AASDHPPT: variants seen among roughly 807,000 people sequenced by gnomAD.
AASDHPPT encodes the protein aminoadipate-semialdehyde dehydrogenase-phosphopantetheinyl transferase.
In AASDHPPT, 23 loss-of-function variants were observed where a neutral mutation model predicts 36.4. That is an observed-to-expected ratio of 0.63 (90% CI 0.45 to 0.89). AASDHPPT has a LOEUF of 0.89. Among genes scored for constraint, AASDHPPT ranks in the 40% least tolerant of loss-of-function variants. The pLI, the probability that AASDHPPT is intolerant of heterozygous loss-of-function variation, is 0.00. For missense variants in AASDHPPT, 377 were observed against 378.2 expected, an observed-to-expected ratio of 1.00 and a Z score of 0.03; for synonymous variants, 115 against 128.0, an observed-to-expected ratio of 0.90 and a Z score of 0.68.
chr11:106,095,099 C>G (rs922197787), intron 5 of AASDHPPT, among the ~76,000 whole-genome samples: 2 of 152,044 alleles, frequency 1.3e-5, no homozygotes, highest in African/African-American at 2.4e-5. Flanking sequence ...GCACTCCAGC[C>G]TGGGAAACAA....
intron 4 of AASDHPPT, chr11:106,091,902 A>T (rs796754880): frequency 1.3e-5 from 2 of 153,712 alleles, no homozygotes; most frequent in African/African-American, 4.8e-5. Flanking sequence ...AAGCCAACAC[A>T]CACAGCCAAA....
At chr11:106,096,553 A>G in intron 5 of AASDHPPT, 190 bp from the exon 6 acceptor site, 1 of 428,370 alleles carries the variant, frequency 2.3e-6, no homozygotes, top group Admixed American at 4.5e-5. Flanking sequence ...CAGGTTTTCT[A>G]TTTCATTTTT....
chr11:106,091,517 A>C (rs762103202), intron 4 of AASDHPPT, 40 bp downstream of exon 4: 9 of 1,531,850 alleles, frequency 5.9e-6, no homozygotes, highest in Non-Finnish European at 7.9e-6. Flanking sequence ...AAGAATTTCT[A>C]TTTTTTATGC....
intron 5 of AASDHPPT, among the ~76,000 whole-genome samples, chr11:106,094,988 G>A (rs1469917731): frequency 6.6e-6 from 1 of 151,984 alleles, no homozygotes; most frequent in Non-Finnish European, 1.5e-5. Context: ...AGCCAGGTGT[G>A]GTGGCGGGCG....
Position 106,096,768 on chromosome 11 carries a change from C to T in AASDHPPT, c.791C>T (p.Pro264Leu), listed in dbSNP as rs1382849307. Residue 264 changes from proline to leucine, a missense_variant, in exon 6 of 6, where the codon CCA becomes CTA. Physicochemically the swap from Pro to Leu is moderately conservative, Grantham distance 98. Transcript: ENST00000278618. ...GTTCCATCTCAGGATGATTCCAAACCAACCCAGAGGCAATTTACTATTCTC... is the reference window on the plus strand; with the variant it reads ...GTTCCATCTCAGGATGATTCCAAACTAACCCAGAGGCAATTTACTATTCTC... ...QDVPSQDDSKPTQRQFTILNF... is the reference protein window; with the variant it reads ...QDVPSQDDSKLTQRQFTILNF... The T allele has an allele frequency of 6.2e-7, 1 of 1,602,734 alleles. No homozygotes were observed. The highest frequency in any genetic ancestry group is 8.5e-7 in the Non-Finnish European group (1 of 1,175,954).
chr11:106,089,708 A>G lies in AASDHPPT; in HGVS notation c.410-849A>G, dbSNP rs1239458179. ...CTTGGTGGTAAAGACACACAAACAC[A>G]TAATTTTAATGTTTTGGAAAATTCA... On this transcript the variant is annotated intron_variant, in intron 2 of 5. Coordinates refer to ENST00000278618, the MANE Select transcript of AASDHPPT (RefSeq NM_015423.3). Among the ~76,000 whole-genome samples the G allele has an allele frequency of 2.6e-5, 4 of 152,050 alleles. No homozygotes were observed. The East Asian group carries it at 5.8e-4, about 22-fold the overall frequency.
chr11:106,079,551 G>A lies in AASDHPPT; in HGVS notation c.268G>A (p.Gly90Arg). The A allele has an allele frequency of 1.2e-6, 2 of 1,614,100 alleles. No homozygotes were observed. The highest frequency in any genetic ancestry group is 1.7e-6 in the Non-Finnish European group (2 of 1,180,008). ...NHIRLQRTAK[G>R]KPVLAKDSSN... ...TATTCGTTTGCAAAGAACTGCAAAA[G>A]GAAAACCAGTTCTTGCAAAGGACTC... The change falls in exon 2 of 6, where the codon GGA (glycine) becomes AGA (arginine). Residue 90 changes from glycine to arginine, a missense_variant. Gly to Arg is a moderately radical substitution (Grantham distance 125). Transcript: ENST00000278618.
Position 106,098,619 on chromosome 11 carries a change from T to C in AASDHPPT, c.*1712T>C, listed in dbSNP as rs1464969278. Reference sequence around the variant, plus strand: ...ATAATAGAGGAAGTATTGTTATCCCTAGCATGAGTGTAATGGTGATATGAA... The same window carrying C: ...ATAATAGAGGAAGTATTGTTATCCCCAGCATGAGTGTAATGGTGATATGAA... On this transcript the variant is annotated 3_prime_UTR_variant, in exon 6 of 6. Transcript: ENST00000278618. 6.6e-6 allele frequency: 1 copy of C among 152,058 alleles called. No homozygotes were observed. Among genetic ancestry groups the C allele is most frequent in the African/African-American group, 2.4e-5 (1 of 41,448 alleles). 9.4% of individuals were successfully genotyped at this position (152,058 alleles called of 1,614,324 possible). A position where few individuals can be genotyped will look rare whatever the true frequency, so the allele number is the denominator to read the frequency against.
intron 2 of AASDHPPT, among the ~76,000 whole-genome samples, chr11:106,084,205 CAT>C (rs1265242255): frequency 1.3e-5 from 2 of 152,084 alleles, no homozygotes; most frequent in East Asian, 3.8e-4. Flanking sequence ...AAAGAACAAT[CAT>C]ATAGATGGAA....
intron 2 of AASDHPPT, among the ~76,000 whole-genome samples, chr11:106,089,717 A>G (rs924968154): frequency 6.6e-6 from 1 of 152,044 alleles, no homozygotes; most frequent in African/African-American, 2.4e-5. Context: ...CATAATTTTA[A>G]TGTTTTGGAA....
intron 2 of AASDHPPT, among the ~76,000 whole-genome samples, chr11:106,084,782 A>G (rs971737802): frequency 6.6e-6 from 1 of 151,650 alleles, no homozygotes; most frequent in African/African-American, 2.4e-5. Flanking sequence ...GGCACCCGCC[A>G]CCTGGTATTT....
chr11:106,090,106 A>G (rs1057211579), intron 2 of AASDHPPT, among the ~76,000 whole-genome samples: 6 of 152,036 alleles, frequency 3.9e-5, no homozygotes, highest in African/African-American at 7.2e-5. Context: ...TCTCTGTTAC[A>G]TAACAAAATA....
At chr11:106,085,137 T>G (rs1000646334) in intron 2 of AASDHPPT, among the ~76,000 whole-genome samples, 4 of 152,090 alleles carry the variant, frequency 2.6e-5, no homozygotes, top group African/African-American at 9.7e-5. Context: ...AGTCTTGCTC[T>G]GTTGCCCAGG....
intron 5 of AASDHPPT, among the ~76,000 whole-genome samples, chr11:106,095,542 A>G (rs1321933654): frequency 6.6e-6 from 1 of 152,216 alleles, no homozygotes; most frequent in Non-Finnish European, 1.5e-5. Flanking sequence ...TAGATTTCAT[A>G]TAATTGTGAT....
Position 106,089,049 on chromosome 11 carries a change from ACT to A in AASDHPPT, c.410-1503_410-1502del, listed in dbSNP as rs1208086975. Reference sequence around the variant, plus strand: ...TTGGTTACTGCAGGAGAAACTGTAAACTCTCTGTGAAGATAAGGACCATGTCT... The same window carrying A: ...TTGGTTACTGCAGGAGAAACTGTAAACTCTGTGAAGATAAGGACCATGTCT... On this transcript the variant is annotated intron_variant, in intron 2 of 5. Transcript: ENST00000278618. Among the ~76,000 whole-genome samples the A allele has an allele frequency of 4.6e-5, 7 of 151,868 alleles. No individual in the cohort carries two copies. In the East Asian group the frequency reaches 9.7e-4, roughly 21 times the overall value.
In AASDHPPT at chr11:106,098,210, A is replaced by G. The variant is rs1861338202; in HGVS notation, c.*1303A>G. 1 of 152,166 alleles carries G rather than the reference A, an allele frequency of 6.6e-6. No individual in the cohort carries two copies. Among genetic ancestry groups the G allele is most frequent in the Admixed American group, 6.5e-5 (1 of 15,270 alleles). The allele number at this position is 152,166 out of a possible 1,614,324, so 9.4% of individuals were successfully genotyped here. ...TTTTAAAATTTGTATTTCTTTCATT[A>G]CAAATAAGATTGTTATGTCAGTATT... is the stretch of plus-strand genomic sequence containing the variant. On this transcript the variant is annotated 3_prime_UTR_variant, in exon 6 of 6. Transcript: ENST00000278618.
chr11:106,090,505 T>C, intron 2 of AASDHPPT, 52 bp from the exon 3 acceptor site: 1 of 1,471,788 alleles, frequency 6.8e-7, no homozygotes, highest in Non-Finnish European at 9.1e-7. Flanking sequence ...ATAGAGCAAC[T>C]TTTTATTTTT....
chr11:106,097,268 G>A lies in AASDHPPT; in HGVS notation c.*361G>A. 1 of 176,748 alleles carries A rather than the reference G, an allele frequency of 5.7e-6. No individual in the cohort carries two copies. Among genetic ancestry groups the A allele is most frequent in the Non-Finnish European group, 1.2e-5 (1 of 85,116 alleles). The allele number at this position is 176,748 out of a possible 1,614,324, so 10.9% of individuals were successfully genotyped here. ...GAGTATCTTTTCAGACCTTTTTCTT[G>A]GCAAATGAATCCATATTGACATATT... is the stretch of plus-strand genomic sequence containing the variant. On this transcript the variant is annotated 3_prime_UTR_variant, in exon 6 of 6. Coordinates refer to ENST00000278618, the MANE Select transcript of AASDHPPT (RefSeq NM_015423.3).
chr11:106,080,144 C>T (rs943638405), intron 2 of AASDHPPT, among the ~76,000 whole-genome samples: 1 of 152,062 alleles, frequency 6.6e-6, no homozygotes, highest in Non-Finnish European at 1.5e-5. Context: ...GAATTTTTTT[C>T]AGTAGTTGGC....
Sources: gnomAD v4.1 joint callset for allele counts (sites outside exome capture counted in the v4.1 genomes callset) on GRCh38, gnomAD v4.1.1 for gene constraint, MANE v1.5 for transcripts, NCBI Gene and HGNC (gene_info 2026-07-23, HGNC 2026-07-21) for gene names.